Variants in SGIP1 observed in about 807,000 individuals in gnomAD.
The protein encoded by SGIP1 is SH3GL interacting endocytic adaptor 1.
SGIP1 carries 38 observed loss-of-function variants against 107.5 expected under a neutral mutation model. The observed-to-expected ratio is 0.35, with a 90% CI of 0.27 to 0.46. The LOEUF is 0.46. Among genes scored for constraint, SGIP1 ranks in the 20% least tolerant of loss-of-function variants. The pLI is 1.00. For missense variants in SGIP1, 929 were observed against 1,019.5 expected (o/e 0.91, Z 1.21); for synonymous variants, 365 against 366.1 (o/e 1.00, Z 0.03).
In SGIP1 at chr1:66,733,845, G is replaced by A. The variant is rs764108792; in HGVS notation, c.1996G>A (p.Ala666Thr). Residue 666 changes from alanine to threonine, a missense_variant, in exon 21 of 25, where the codon GCT (alanine) becomes ACT (threonine). Coordinates refer to ENST00000371037, the MANE Select transcript of SGIP1 (RefSeq NM_032291.4). ...GAAAGTGTCTGAACAAAAACCCCAGGCTACATATTATAACGTTGACATGCT... is the reference window on the plus strand; with the variant it reads ...GAAAGTGTCTGAACAAAAACCCCAGACTACATATTATAACGTTGACATGCT... ...LKKVSEQKPQ[A>T]TYYNVDMLKY... is the part of the protein sequence containing the mutation. 3.7e-6 allele frequency: 6 copies of A among 1,613,360 alleles called. No individual in the cohort carries two copies. The highest frequency in any genetic ancestry group is 5.1e-6 in the Non-Finnish European group (6 of 1,179,658).
At chr1:66,580,240 C>A (rs1298335898) in intron 1 of SGIP1, among the ~76,000 whole-genome samples, 1 of 152,124 alleles carries the variant, frequency 6.6e-6, no homozygotes, top group East Asian at 1.9e-4. Context: ...CCCTATATAA[C>A]CTAAGGCCCC....
At chr1:66,725,507 A>G (rs946835721) in intron 19 of SGIP1, among the ~76,000 whole-genome samples, 1 of 152,250 alleles carries the variant, frequency 6.6e-6, no homozygotes, top group Non-Finnish European at 1.5e-5. Context: ...CTGTGGAGAC[A>G]TTGGAGGAAA....
chr1:66,599,147 G>C lies in SGIP1; in HGVS notation c.11-26700G>C, dbSNP rs191328135. 8.3e-3 allele frequency among the ~76,000 whole-genome samples: 1,263 copies of C among 152,130 alleles called. 14 individuals are homozygous for C. The highest frequency in any genetic ancestry group is 9.1e-3 in the Non-Finnish European group (622 of 67,996). On this transcript the variant is annotated intron_variant, in intron 1 of 24. Transcript: ENST00000371037. ...TTCAAACAACTACTAAGTTATTAAG[G>C]ACATAAATGCTCAAGTTACTCGAAC...
At chr1:66,570,992 C>A (rs2148598970) in intron 1 of SGIP1, among the ~76,000 whole-genome samples, 1 of 152,068 alleles carries the variant, frequency 6.6e-6, no homozygotes, top group African/African-American at 2.4e-5. Context: ...GGAAATAAAT[C>A]TGATGATAAA....
At chr1:66,548,984 G>C (rs1028497738) in intron 1 of SGIP1, among the ~76,000 whole-genome samples, 1 of 152,160 alleles carries the variant, frequency 6.6e-6, no homozygotes, top group Non-Finnish European at 1.5e-5. Flanking sequence ...ACAGGAACAG[G>C]CCTCTAGTTT....
chr1:66,668,254 G>A (rs2083029320), intron 9 of SGIP1, among the ~76,000 whole-genome samples: 2 of 152,022 alleles, frequency 1.3e-5, no homozygotes, highest in Admixed American at 1.3e-4. Flanking sequence ...GCAGTGGCGT[G>A]ATCTCTGCTC....
At chr1:66,546,256 G>C (rs2056368970) in intron 1 of SGIP1, among the ~76,000 whole-genome samples, 1 of 152,160 alleles carries the variant, frequency 6.6e-6, no homozygotes, top group South Asian at 2.1e-4. Context: ...CACTGGCTGA[G>C]AGCCACATTC....
chr1:66,583,750 A>G (rs559626982), intron 1 of SGIP1, among the ~76,000 whole-genome samples: 1 of 152,240 alleles, frequency 6.6e-6, no homozygotes, highest in East Asian at 1.9e-4. Flanking sequence ...ATTTGTTCAC[A>G]TAGCTTGCTC....
chr1:66,687,937 C>G (rs939395743), intron 15 of SGIP1, among the ~76,000 whole-genome samples: 1 of 152,172 alleles, frequency 6.6e-6, no homozygotes, highest in Non-Finnish European at 1.5e-5. Context: ...ACAAGAGGAG[C>G]AAGGTTTAAT....
At chr1:66,721,694 C>T (rs1180712289) in intron 19 of SGIP1, among the ~76,000 whole-genome samples, 1 of 152,146 alleles carries the variant, frequency 6.6e-6, no homozygotes, top group Non-Finnish European at 1.5e-5. Flanking sequence ...CAGGCGTGAG[C>T]CACTGTGCCT....
chr1:66,635,190 A>G (rs186319447), intron 3 of SGIP1, among the ~76,000 whole-genome samples: 2 of 152,316 alleles, frequency 1.3e-5, no homozygotes, highest in African/African-American at 4.8e-5. Flanking sequence ...TCTGGTGACA[A>G]TGCTTCTGAG....
intron 1 of SGIP1, among the ~76,000 whole-genome samples, chr1:66,587,937 A>G (rs2062891568): frequency 6.6e-6 from 1 of 152,164 alleles, no homozygotes; most frequent in South Asian, 2.1e-4. Context: ...CTTTACCTGG[A>G]ACCTCTATTA....
At chr1:66,534,598 G>C (rs1570919910) in intron 1 of SGIP1, among the ~76,000 whole-genome samples, 1 of 152,214 alleles carries the variant, frequency 6.6e-6, no homozygotes, top group African/African-American at 2.4e-5. Context: ...TCCTTTGAGA[G>C]AGAAAAGCCT....
At chr1:66,623,561 T>A (rs1361224953) in intron 1 of SGIP1, among the ~76,000 whole-genome samples, 1 of 152,234 alleles carries the variant, frequency 6.6e-6, no homozygotes, top group African/African-American at 2.4e-5. Context: ...CAAACTTTTT[T>A]TCTTATTCAA....
At chr1:66,716,403 G>A (rs79566113) in intron 18 of SGIP1, among the ~76,000 whole-genome samples, 3,013 of 152,232 alleles carry the variant, frequency 0.02, 97 homozygotes, top group African/African-American at 0.068. Context: ...ATATTATGAT[G>A]ATGACATTCC....
chr1:66,656,413 C>G (rs543176098), intron 7 of SGIP1, among the ~76,000 whole-genome samples: 19 of 152,132 alleles, frequency 1.2e-4, no homozygotes, highest in Admixed American at 4.6e-4. Flanking sequence ...AATACATAAA[C>G]CAGTAACAGC....
At chr1:66,636,656 A>G (rs944555204) in intron 4 of SGIP1, among the ~76,000 whole-genome samples, 5 of 152,216 alleles carry the variant, frequency 3.3e-5, no homozygotes, top group Admixed American at 6.6e-5. Flanking sequence ...AGATATTTCT[A>G]TTGGGCCGTG....
intron 1 of SGIP1, among the ~76,000 whole-genome samples, chr1:66,621,777 C>CT (rs1371421901): frequency 6.6e-6 from 1 of 152,158 alleles, no homozygotes; most frequent in Non-Finnish European, 1.5e-5. Flanking sequence ...TGTATAAGTA[C>CT]TTTTTTCCTT....
rs1366863693 is a variant in SGIP1 at position 66,650,179 on chromosome 1, G to A, written c.459+6460G>A. On this transcript the variant is annotated intron_variant, in intron 7 of 24. Coordinates refer to ENST00000371037, the MANE Select transcript of SGIP1 (RefSeq NM_032291.4). ...TTAATTACCCAAAGCATCAAACTGG[G>A]AAAAGGTGTTTTTTGTGATGCCTTT... is the stretch of plus-strand genomic sequence containing the variant. Among the ~76,000 whole-genome samples the A allele has an allele frequency of 2.6e-5, 4 of 152,224 alleles. No homozygotes were observed. In the East Asian group the frequency reaches 5.8e-4, roughly 22 times the overall value.
Sources: allele counts gnomAD v4.1 joint callset (sites outside exome capture counted in the v4.1 genomes callset), GRCh38; gene constraint gnomAD v4.1.1; transcripts MANE v1.5; gene names NCBI Gene and HGNC (gene_info 2026-07-23, HGNC 2026-07-21).